The following ZMYM1 variants were observed in gnomAD, a reference collection of about 807,000 sequenced individuals.
ZMYM1 encodes the protein zinc finger MYM-type protein 1.
In ZMYM1, 39 loss-of-function variants were observed where a neutral mutation model predicts 60.0. The observed-to-expected ratio is 0.65, with a 90% CI of 0.50 to 0.85. ZMYM1 has a LOEUF of 0.85. ZMYM1 is among the 40% of genes least tolerant of loss of function. The probability of loss-of-function intolerance (pLI) is 0.00; values close to 1 mark genes in which losing one functional copy is unlikely to be tolerated. For synonymous variants in ZMYM1, 413 were observed against 454.0 expected (o/e 0.91, Z 1.15); for missense variants, 1,171 against 1,309.5 (o/e 0.89, Z 1.63).
At chr1:35,098,889 G>GA (rs1293191390) in intron 4 of ZMYM1, among the ~76,000 whole-genome samples, 125 of 150,686 alleles carry the variant, frequency 8.3e-4, no homozygotes, top group African/African-American at 2.8e-3. Context: ...GTCTCAAAAA[G>GA]AAAAAAAAAG....
rs565073718 is a variant in ZMYM1 at position 35,066,094 on chromosome 1, TA to T, written c.-301+6177del. Reference sequence around the variant, plus strand: ...CCCAGATGATTTCACAAGGAATCTATAAAAAAAACCTCCTACAACTAATAAA... The same window carrying T: ...CCCAGATGATTTCACAAGGAATCTATAAAAAAACCTCCTACAACTAATAAA... On this transcript the variant is annotated intron_variant, in intron 1 of 10. Coordinates refer to the ZMYM1 transcript ENST00000417119. Among the ~76,000 whole-genome samples, 720 of 152,196 alleles carry T rather than the reference TA, an allele frequency of 4.7e-3. 6 individuals carry two copies. The highest frequency in any genetic ancestry group is 7.8e-3 in the Non-Finnish European group (528 of 67,994).
In ZMYM1 at chr1:35,114,774, TG is replaced by T; in HGVS notation, c.2945del (p.Cys982PhefsTer10). 6.3e-7 allele frequency: 1 copy of T among 1,598,956 alleles called. No homozygotes were observed. Among genetic ancestry groups the T allele is most frequent in the Non-Finnish European group, 8.5e-7 (1 of 1,171,138 alleles). ...LDTILQNLKL[C>X]FSEFDYCKIK... is the part of the protein sequence containing the mutation. Reference sequence around the variant, plus strand: ...TACTATATTACAAAATTTAAAGTTATGTTTTTCGGAGTTTGATTATTGCAAA... The same window carrying T: ...TACTATATTACAAAATTTAAAGTTATTTTTTCGGAGTTTGATTATTGCAAA... On this transcript the variant is annotated frameshift_variant, in exon 10 of 10. Transcript: ENST00000359858. LOFTEE classifies it low-confidence loss of function (END_TRUNC).
chr1:35,101,069 C>T (rs1409645998), intron 4 of ZMYM1, among the ~76,000 whole-genome samples: 1 of 150,636 alleles, frequency 6.6e-6, no homozygotes, highest in Admixed American at 6.6e-5. Context: ...TCCCAAAGTG[C>T]TGGCATTATG....
chr1:35,110,410 C>A lies in ZMYM1; in HGVS notation c.924C>A (p.Phe308Leu), dbSNP rs749534942. The A allele has an allele frequency of 6.4e-7, 1 of 1,572,274 alleles. No homozygotes were observed. The highest frequency in any genetic ancestry group is 8.6e-7 in the Non-Finnish European group (1 of 1,161,222). Residue 308 changes from phenylalanine to leucine, a missense_variant, in exon 7 of 10, where the codon TTC (phenylalanine) becomes TTA (leucine). Phe to Leu is a conservative substitution (Grantham distance 22). Coordinates refer to ENST00000359858, the MANE Select transcript of ZMYM1 (RefSeq NM_024772.5). ...KTELFCSINC[F>L]SAYSKAKMES... ...AGCTTTTCTGCTCTATTAATTGTTTCTCTGCATACAGTAAAGCTAAGATGG... is the reference window on the plus strand; with the variant it reads ...AGCTTTTCTGCTCTATTAATTGTTTATCTGCATACAGTAAAGCTAAGATGG...
chr1:35,103,346 T>C (rs1411932471), intron 4 of ZMYM1, among the ~76,000 whole-genome samples: 3 of 152,204 alleles, frequency 2.0e-5, no homozygotes, highest in Admixed American at 6.6e-5. Context: ...GTAAATGGAA[T>C]CATATATGAC....
intron 6 of ZMYM1, among the ~76,000 whole-genome samples, chr1:35,108,744 A>C (rs1570023309): frequency 1.8e-5 from 2 of 109,808 alleles, no homozygotes; most frequent in African/African-American, 3.6e-5. Context: ...TTGCTTTTCC[A>C]CCCAGGATGG....
intron 1 of ZMYM1, among the ~76,000 whole-genome samples, chr1:35,080,314 C>CTTTTTTTTTTTT (rs35214559): frequency 8.0e-6 from 1 of 125,512 alleles, no homozygotes; most frequent in African/African-American, 3.2e-5. Flanking sequence ...ATTTGTGCTT[C>CTTTTTTTTTTTT]TTTTTTTTTT....
chr1:35,063,821 A>G (rs1241769663), intron 1 of ZMYM1, among the ~76,000 whole-genome samples: 1 of 152,328 alleles, frequency 6.6e-6, no homozygotes, highest in Non-Finnish European at 1.5e-5. Flanking sequence ...TACTAGTTCT[A>G]TCAGGAAAGA....
chr1:35,067,411 C>T (rs1030154514), intron 1 of ZMYM1, among the ~76,000 whole-genome samples: 6 of 152,190 alleles, frequency 3.9e-5, no homozygotes, highest in African/African-American at 1.4e-4. Flanking sequence ...CTGCAGCCTC[C>T]CAAGTAGCTG....
Position 35,113,169 on chromosome 1 carries a change from C to T in ZMYM1, c.1339C>T (p.Gln447Ter). 1 of 1,613,352 alleles carries T rather than the reference C, an allele frequency of 6.2e-7. No individual in the cohort carries two copies. The highest frequency in any genetic ancestry group is 8.5e-7 in the Non-Finnish European group (1 of 1,179,762). ...LCHPKCTSKV[Q>*]KVKGKSRSIK... ...TCACCCAAAATGTACATCCAAAGTA[C>T]AAAAAGTTAAAGGTAAATCACGAAG... The change falls in exon 10 of 10, where the codon CAA becomes TAA. Residue 447 changes from glutamine (Q) to a stop codon, truncating the protein, a stop_gained. Transcript: ENST00000359858. LOFTEE classifies it low-confidence loss of function (END_TRUNC).
chr1:35,094,176 C>G, intron 2 of ZMYM1, 93 bp downstream of exon 2: 2 of 1,054,782 alleles, frequency 1.9e-6, no homozygotes, highest in Non-Finnish European at 2.7e-6. Flanking sequence ...TTGAAAAACT[C>G]AAATCCTTAT....
chr1:35,079,193 G>A (rs1441154162), upstream of ZMYM1: 1 of 152,292 alleles, frequency 6.6e-6, no homozygotes, highest in East Asian at 1.9e-4. Context: ...GTCCTACTTT[G>A]GCTGCCAGCC....
At chr1:35,060,143 GTTATTATTATTATTATTA>G (rs144363831) in intron 1 of ZMYM1, among the ~76,000 whole-genome samples, 6 of 144,100 alleles carry the variant, frequency 4.2e-5, no homozygotes, top group African/African-American at 1.0e-4. Flanking sequence ...ACTATTTGTT[GTTATTATTATTATTATTA>G]TTATTATTAT....
intron 4 of ZMYM1, among the ~76,000 whole-genome samples, chr1:35,101,265 T>A (rs1389525315): frequency 6.6e-6 from 1 of 151,294 alleles, no homozygotes; most frequent in African/African-American, 2.4e-5. Flanking sequence ...CCTATCACCA[T>A]GCCCCGTTAA....
At chr1:35,094,302 A>G (rs1643190253) in intron 2 of ZMYM1, among the ~76,000 whole-genome samples, 1 of 152,222 alleles carries the variant, frequency 6.6e-6, no homozygotes, top group Non-Finnish European at 1.5e-5. Context: ...GGGTTTTTGC[A>G]TAGGTAAAAG....
chr1:35,080,556 A>G (rs11264023), intron 1 of ZMYM1, among the ~76,000 whole-genome samples: 116,552 of 151,724 alleles, frequency 0.77, 46,516 homozygotes, highest in Non-Finnish European at 0.9. Context: ...AATCGAAGCA[A>G]TCCACCTGCT....
chr1:35,072,560 A>G (rs1169300185), intron 1 of ZMYM1, among the ~76,000 whole-genome samples: 1 of 149,742 alleles, frequency 6.7e-6, no homozygotes. Context: ...TTCTGCTCTG[A>G]GCTTTATTAT....
rs1388538321 is a variant in ZMYM1 at position 35,068,248 on chromosome 1, G to A, written c.-301+8323G>A. ...AGCCTGGCAAACATGGCAAAACTCC[G>A]TCTCTACTAAAAATACAAAAATTAT... On this transcript the variant is annotated intron_variant, in intron 1 of 10. Coordinates refer to the ZMYM1 transcript ENST00000417119. 7.3e-5 allele frequency among the ~76,000 whole-genome samples: 11 copies of A among 151,678 alleles called. No individual in the cohort carries two copies. In the East Asian group the frequency reaches 2.0e-3, roughly 27 times the overall value.
At chr1:35,104,869 G>A in intron 6 of ZMYM1, 100 bp downstream of exon 6, 1 of 904,978 alleles carries the variant, frequency 1.1e-6, no homozygotes, top group Non-Finnish European at 1.7e-6. Context: ...TTGGAATAAT[G>A]TCGATAAGTT....
Sources: allele counts gnomAD v4.1 joint callset (sites outside exome capture counted in the v4.1 genomes callset), GRCh38; gene constraint gnomAD v4.1.1; transcripts MANE v1.5; gene names NCBI Gene and HGNC (gene_info 2026-07-23, HGNC 2026-07-21).